Variants in EYS observed in about 807,000 individuals in gnomAD.
EYS encodes the protein EGF-like photoreceptor maintenance factor.
In EYS, 250 loss-of-function variants were observed where a neutral mutation model predicts 282.1. That is an observed-to-expected ratio of 0.89 (90% CI 0.80 to 0.98). EYS has a LOEUF of 0.98. Among genes scored for constraint, EYS ranks in the 50% least tolerant of loss-of-function variants. The pLI is 0.00. For synonymous variants in EYS, 1,355 were observed against 1,282.9 expected, an observed-to-expected ratio of 1.06 and a Z score of -1.20; for missense variants, 4,016 against 3,709.0, an observed-to-expected ratio of 1.08 and a Z score of -2.15.
chr6:63,961,452 AC>A (rs1214008918), intron 35 of EYS, among the ~76,000 whole-genome samples: 1 of 150,530 alleles, frequency 6.6e-6, no homozygotes, highest in East Asian at 2.0e-4. Flanking sequence ...CAAGAGAGAA[AC>A]CCCCTTTGAC....
chr6:63,960,570 AATCTTTC>A (rs1562118136), intron 35 of EYS, among the ~76,000 whole-genome samples: 1 of 152,310 alleles, frequency 6.6e-6, no homozygotes, highest in East Asian at 1.9e-4. Context: ...ACTACAGAGA[AATCTTTC>A]ATGACAAGAA....
rs1243484864 is a variant in EYS at position 63,720,787 on chromosome 6, C to T, written c.9244G>A (p.Asp3082Asn). 7.1e-6 allele frequency: 11 copies of T among 1,550,798 alleles called. No homozygotes were observed. Among genetic ancestry groups the T allele is most frequent in the Non-Finnish European group, 9.6e-6 (11 of 1,146,512 alleles). ...PHKNFVALNYDGICYLGGFEY... is the reference protein window; with the variant it reads ...PHKNFVALNYNGICYLGGFEY... The stretch of plus-strand genomic sequence containing the variant: ...AAGCCCCCTAGATAACAAATGCCAT[C>T]ATAGTTTAGAGCCACAAAGTTTTTA... The change falls in exon 43 of 43, where the codon GAT becomes AAT. Residue 3082 changes from aspartate (D) to asparagine (N), a missense_variant. Physicochemically the swap from Asp to Asn is conservative, Grantham distance 23 (BLOSUM62 1). Coordinates refer to ENST00000503581, the MANE Select transcript of EYS (RefSeq NM_001142800.2).
chr6:65,589,105 T>C (rs1486196985), intron 2 of EYS, among the ~76,000 whole-genome samples: 1 of 152,040 alleles, frequency 6.6e-6, no homozygotes, highest in Non-Finnish European at 1.5e-5. Flanking sequence ...CCAAAAGGAA[T>C]AATGGTGTGT....
At chr6:64,783,996 T>C (rs1220482668) in intron 22 of EYS, among the ~76,000 whole-genome samples, 1 of 152,120 alleles carries the variant, frequency 6.6e-6, no homozygotes, top group Non-Finnish European at 1.5e-5. Context: ...GGGGAGAATA[T>C]GGTATGTTCA....
chr6:65,006,804 C>T (rs1289924682), intron 13 of EYS, among the ~76,000 whole-genome samples: 1 of 152,102 alleles, frequency 6.6e-6, no homozygotes, highest in Non-Finnish European at 1.5e-5. Flanking sequence ...AGAAAAATTG[C>T]CTAATAATTG....
At chr6:65,703,088 C>A (rs986622549) in intron 1 of EYS, among the ~76,000 whole-genome samples, 1 of 152,144 alleles carries the variant, frequency 6.6e-6, no homozygotes, top group Non-Finnish European at 1.5e-5. Context: ...GCAGCATTAA[C>A]CCTTCCCTAG....
chr6:65,167,581 T>C (rs576902923), intron 12 of EYS, among the ~76,000 whole-genome samples: 8 of 151,218 alleles, frequency 5.3e-5, no homozygotes, highest in Non-Finnish European at 1.2e-4. Flanking sequence ...CACAGATATA[T>C]AGATGGATTA....
intron 2 of EYS, among the ~76,000 whole-genome samples, chr6:65,573,978 T>A (rs1764569595): frequency 6.6e-6 from 1 of 152,154 alleles, no homozygotes; most frequent in Admixed American, 6.6e-5. Context: ...ACACTGTGCA[T>A]GCCTATTCTG....
chr6:64,855,182 G>T (rs1766018652), intron 19 of EYS, among the ~76,000 whole-genome samples: 1 of 152,056 alleles, frequency 6.6e-6, no homozygotes, highest in Non-Finnish European at 1.5e-5. Context: ...ATCTGTATGT[G>T]TGTGTGTGTT....
At chr6:65,664,614 T>C (rs912642896) in intron 1 of EYS, among the ~76,000 whole-genome samples, 1 of 152,138 alleles carries the variant, frequency 6.6e-6, no homozygotes, top group African/African-American at 2.4e-5. Flanking sequence ...GAGAGGATGG[T>C]GGGCAGAGGA....
chr6:64,294,572 C>G (rs1309066360), intron 30 of EYS, among the ~76,000 whole-genome samples: 1 of 152,154 alleles, frequency 6.6e-6, no homozygotes, highest in East Asian at 1.9e-4. Flanking sequence ...ATGAGCCTTG[C>G]TGTAATAATC....
intron 35 of EYS, among the ~76,000 whole-genome samples, chr6:63,979,137 A>G (rs968495662): frequency 1.3e-5 from 2 of 151,954 alleles, no homozygotes; most frequent in African/African-American, 4.8e-5. Context: ...TCTGCAAATG[A>G]TAGCCCTTTT....
At chr6:63,984,006 T>C (rs1767230260) in intron 35 of EYS, among the ~76,000 whole-genome samples, 1 of 151,344 alleles carries the variant, frequency 6.6e-6, no homozygotes, top group African/African-American at 2.4e-5. Context: ...AAAACAAATA[T>C]AAAAATTAAT....
chr6:64,780,345 C>T (rs1773820250), intron 22 of EYS, among the ~76,000 whole-genome samples: 1 of 152,106 alleles, frequency 6.6e-6, no homozygotes, highest in Admixed American at 6.6e-5. Flanking sequence ...GATTTTTAAA[C>T]ATCAGGATTA....
intron 29 of EYS, among the ~76,000 whole-genome samples, chr6:64,371,825 T>TA (rs1355324199): frequency 6.6e-6 from 1 of 152,174 alleles, no homozygotes; most frequent in Non-Finnish European, 1.5e-5. Flanking sequence ...TGTCTAAAAT[T>TA]AAAAGAGCAC....
chr6:65,555,035 T>G (rs1029749651), intron 2 of EYS, among the ~76,000 whole-genome samples: 1 of 152,080 alleles, frequency 6.6e-6, no homozygotes, highest in Non-Finnish European at 1.5e-5. Flanking sequence ...CAATTCAAAT[T>G]GTACCTGGTG....
At chr6:65,585,048 C>A (rs1764998159) in intron 2 of EYS, among the ~76,000 whole-genome samples, 1 of 151,410 alleles carries the variant, frequency 6.6e-6, no homozygotes, top group South Asian at 2.1e-4. Flanking sequence ...AAGTGTGGTC[C>A]ATTGTTATTT....
chr6:64,023,409 G>A (rs946292203), intron 33 of EYS, among the ~76,000 whole-genome samples: 1 of 152,202 alleles, frequency 6.6e-6, no homozygotes, highest in Non-Finnish European at 1.5e-5. Flanking sequence ...TTAACTTTTA[G>A]AGCAACCATT....
At chr6:65,080,531 T>C (rs1163264398) in intron 12 of EYS, among the ~76,000 whole-genome samples, 2 of 152,100 alleles carry the variant, frequency 1.3e-5, no homozygotes, top group Non-Finnish European at 2.9e-5. Flanking sequence ...ACTTATCTAC[T>C]GATATTAGAT....
Sources: allele counts gnomAD v4.1 joint callset (sites outside exome capture counted in the v4.1 genomes callset), GRCh38; gene constraint gnomAD v4.1.1; transcripts MANE v1.5; gene names NCBI Gene and HGNC (gene_info 2026-07-23, HGNC 2026-07-21).